PTPN23: variants seen among roughly 807,000 people sequenced by gnomAD.
PTPN23 encodes the protein protein tyrosine phosphatase non-receptor type 23.
Under a neutral mutation model 156.3 loss-of-function variants are expected in PTPN23, and 72 were observed. The ratio of observed to expected loss-of-function variants is 0.46; its 90% CI spans 0.38 to 0.56. The LOEUF is 0.56. Among genes scored for constraint, PTPN23 ranks in the 20% least tolerant of loss-of-function variants. PTPN23 has a pLI of 0.00. For missense variants in PTPN23, 1,974 were observed against 2,171.5 expected (o/e 0.91, Z 1.81); for synonymous variants, 957 against 899.6 (o/e 1.06, Z -1.14).
intron 1 of PTPN23, among the ~76,000 whole-genome samples, chr3:47,381,446 C>T (rs1031065800): frequency 1.3e-5 from 2 of 152,198 alleles, no homozygotes; most frequent in African/African-American, 4.8e-5. Flanking sequence ...TCCGCTGTTC[C>T]CACTGAGGCA....
intron 1 of PTPN23, 27 bp downstream of exon 1, chr3:47,381,207 T>A (rs1236845044): frequency 6.4e-7 from 1 of 1,560,248 alleles, no homozygotes; most frequent in Non-Finnish European, 8.7e-7. Flanking sequence ...TCTTCCCCCC[T>A]ATCCGCCGCG....
At position 47,413,104 on chromosome 3, in the gene PTPN23, C is replaced by G. The variant is rs772841442; in HGVS notation, c.4830C>G (p.Asn1610Lys). The G allele has an allele frequency of 6.2e-7, 1 of 1,612,902 alleles. No individual in the cohort carries two copies. The highest frequency in any genetic ancestry group is 1.6e-4 in the Middle Eastern group (1 of 6,062). The change falls in exon 25 of 25, where the codon AAC (asparagine) becomes AAG (lysine). Residue 1610 changes from asparagine to lysine, a missense_variant. Physicochemically the swap from Asn to Lys is moderately conservative, Grantham distance 94 (BLOSUM62 0). Transcript: ENST00000265562. ...AGCATAACTTTCTGCAGGCCCATAACGGGCAAGGGCTGCGGGCCACCCGGC... is the reference window on the plus strand; with the variant it reads ...AGCATAACTTTCTGCAGGCCCATAAGGGGCAAGGGCTGCGGGCCACCCGGC... ...MSKHNFLQAH[N>K]GQGLRATRPS...
At chr3:47,391,463 A>AG (rs1183670897) in intron 1 of PTPN23, among the ~76,000 whole-genome samples, 1 of 152,140 alleles carries the variant, frequency 6.6e-6, no homozygotes, top group Non-Finnish European at 1.5e-5. Context: ...TCTACCTCTT[A>AG]GGGTTGTTCT....
chr3:47,400,045 A>C (rs1704961804), intron 2 of PTPN23, among the ~76,000 whole-genome samples: 1 of 152,174 alleles, frequency 6.6e-6, no homozygotes, highest in Admixed American at 6.5e-5. Flanking sequence ...TACTGGCCTC[A>C]AGCAATCCTC....
chr3:47,387,240 T>C (rs1704671756), intron 1 of PTPN23, among the ~76,000 whole-genome samples: 1 of 152,014 alleles, frequency 6.6e-6, no homozygotes. Flanking sequence ...TTAGTCTCAT[T>C]TGAAATTTAG....
In PTPN23 at chr3:47,381,186, C is replaced by T; in HGVS notation, c.84+6C>T. On this transcript the variant is annotated splice_donor_region_variant and intron_variant, in intron 1 of 24. Coordinates refer to ENST00000265562, the MANE Select transcript of PTPN23 (RefSeq NM_015466.4). ...TCCAGCCAGCTGTGAAGAAGGTGAG[C>T]TTGCCTTCCATCTTCCCCCCTATCC... The T allele has an allele frequency of 1.9e-6, 3 of 1,577,836 alleles. No individual in the cohort carries two copies. The highest frequency in any genetic ancestry group is 2.6e-6 in the Non-Finnish European group (3 of 1,162,372).
chr3:47,404,542 T>TG (rs1705076185), intron 2 of PTPN23, 110 bp from the exon 3 acceptor site: 1 of 1,426,450 alleles, frequency 7.0e-7, no homozygotes, highest in East Asian at 2.3e-5. Flanking sequence ...TCCCTTGGTG[T>TG]GTGCAGTCGG....
Position 47,410,190 on chromosome 3 carries a change from G to C in PTPN23, c.2392G>C (p.Gly798Arg). Residue 798 changes from glycine (G) to arginine (R), a missense_variant, in exon 20 of 25, where the codon GGC becomes CGC. Around this residue, in one of 4 missense-constraint regions of PTPN23, gnomAD observed 731 missense variants for 669.1 expected, o/e 1.09. Transcript: ENST00000265562. ...SGPLPPGTYSGPTQLIQPRAP... is the reference protein window; with the variant it reads ...SGPLPPGTYSRPTQLIQPRAP... ...CCCCTTGCCCCCTGGTACCTACTCG[G>C]GCCCCACCCAGCTGATACAGCCCAG... The C allele has an allele frequency of 1.2e-6, 2 of 1,604,810 alleles. No individual in the cohort carries two copies. Among genetic ancestry groups the C allele is most frequent in the Non-Finnish European group, 1.7e-6 (2 of 1,175,020 alleles).
intron 1 of PTPN23, among the ~76,000 whole-genome samples, chr3:47,392,685 T>A (rs995312399): frequency 6.6e-6 from 1 of 152,190 alleles, no homozygotes; most frequent in East Asian, 1.9e-4. Flanking sequence ...ATGGCTTTTA[T>A]CATATTCTCA....
At chr3:47,382,390 C>T (rs1451394192) in intron 1 of PTPN23, among the ~76,000 whole-genome samples, 2 of 149,906 alleles carry the variant, frequency 1.3e-5, no homozygotes, top group Non-Finnish European at 3.0e-5. Context: ...GGCACGATCT[C>T]GGCTCACCGC....
intron 2 of PTPN23, 82 bp downstream of exon 2, chr3:47,396,299 C>A: frequency 8.5e-7 from 1 of 1,175,888 alleles, no homozygotes; most frequent in Non-Finnish European, 1.2e-6. Context: ...CTAGGCTGGG[C>A]ATGGTGGCTC....
Position 47,407,668 on chromosome 3 carries a change from C to A in PTPN23, c.1004-29C>A, listed in dbSNP as rs775472839. 6.8e-6 allele frequency: 11 copies of A among 1,608,796 alleles called. No individual in the cohort carries two copies. The South Asian group carries it at 1.1e-4, about 16-fold the overall frequency. On this transcript the variant is annotated intron_variant, in intron 12 of 24. Transcript: ENST00000265562. The surrounding 1 kb of genome is among the most constrained non-coding windows in gnomAD (Gnocchi z 4.0). ...GGCTGCCTCAAGGACTCTGCGTGGGCCTGATCTCCACAATTCCCACCCCCC... is the reference window on the plus strand; with the variant it reads ...GGCTGCCTCAAGGACTCTGCGTGGGACTGATCTCCACAATTCCCACCCCCC...
chr3:47,398,080 G>A (rs1704916412), intron 2 of PTPN23, among the ~76,000 whole-genome samples: 1 of 150,698 alleles, frequency 6.6e-6, no homozygotes, highest in Non-Finnish European at 1.5e-5. Context: ...TGGATCACTT[G>A]AAATCAGGAG....
Position 47,410,798 on chromosome 3 carries a change from T to C in PTPN23, c.3000T>C (p.Tyr1000=). The change falls in exon 20 of 25, where the codon TAT becomes TAC. Residue 1000 remains tyrosine (Y), a synonymous_variant. Transcript: ENST00000265562. ...GLLPPQSPYP[Y]APQPGVLGQP... ...TACCCCCACAATCCCCCTACCCCTA[T>C]GCCCCTCAGCCTGGGGTCCTGGGGC... The C allele has an allele frequency of 8.0e-7, 1 of 1,245,368 alleles. No individual in the cohort carries two copies. The highest frequency in any genetic ancestry group is 1.6e-5 in the African/African-American group (1 of 60,820). The allele number at this position is 1,245,368 out of a possible 1,614,324, so 77.1% of individuals were successfully genotyped here.
intron 22 of PTPN23, 30 bp from the exon 23 acceptor site, chr3:47,412,253 C>G (rs763261316): frequency 2.5e-6 from 4 of 1,612,820 alleles, no homozygotes; most frequent in Non-Finnish European, 3.4e-6. Flanking sequence ...TAGCCTCATA[C>G]CCCGGCCTCA....
At chr3:47,381,576 G>A (rs1264117937) in intron 1 of PTPN23, among the ~76,000 whole-genome samples, 2 of 152,184 alleles carry the variant, frequency 1.3e-5, no homozygotes, top group East Asian at 3.9e-4. Context: ...GCTGCGCCCG[G>A]CCCTCGGTGC....
Position 47,408,805 on chromosome 3 carries a change from G to A in PTPN23, c.1360G>A (p.Ala454Thr), listed in dbSNP as rs1416236958. The A allele has an allele frequency of 6.2e-7, 1 of 1,607,232 alleles. No homozygotes were observed. Among genetic ancestry groups the A allele is most frequent in the African/African-American group, 1.3e-5 (1 of 74,876 alleles). The change falls in exon 16 of 25, where the codon GCT (alanine) becomes ACT (threonine). Residue 454 changes from alanine (A) to threonine (T), a missense_variant. Transcript: ENST00000265562. ...GTCAGGTGTGTTCACGGATGTGGAG[G>A]CTTCCCTGAAGGACATCAGAGATCT... ...VLSGVFTDVE[A>T]SLKDIRDLLE...
intron 1 of PTPN23, among the ~76,000 whole-genome samples, chr3:47,388,221 T>G (rs919090440): frequency 1.3e-5 from 2 of 152,160 alleles, no homozygotes; most frequent in Admixed American, 1.3e-4. Context: ...TATTTTTATT[T>G]TTTTAGAGAT....
In PTPN23 at chr3:47,411,278, T is replaced by A. The variant is rs561632389; in HGVS notation, c.3480T>A (p.Ile1160=). 2 of 1,611,402 alleles carry A rather than the reference T, an allele frequency of 1.2e-6. No homozygotes were observed. Among genetic ancestry groups the A allele is most frequent in the African/African-American group, 2.7e-5 (2 of 75,052 alleles). Residue 1160 remains isoleucine (I), a synonymous_variant, in exon 20 of 25, where the codon ATT becomes ATA. Coordinates refer to ENST00000265562, the MANE Select transcript of PTPN23 (RefSeq NM_015466.4). The surrounding 1 kb of genome is among the most constrained non-coding windows in gnomAD (Gnocchi z 6.3). ...GTCGGCCGCAGGCCCTGCGGCTGAT[T>A]GAGCGGGACCCCTATGAGCATCCTG... ...EGRRPQALRL[I]ERDPYEHPER... is the part of the protein sequence containing the mutation.
Sources: allele counts gnomAD v4.1 joint callset (sites outside exome capture counted in the v4.1 genomes callset), GRCh38; gene constraint gnomAD v4.1.1; regional missense constraint gnomAD v4.1.1; non-coding constraint Gnocchi (gnomAD v3.1); transcripts MANE v1.5; gene names NCBI Gene and HGNC (gene_info 2026-07-23, HGNC 2026-07-21).